ENTREP2: variants seen among roughly 807,000 people sequenced by gnomAD.
ENTREP2 encodes endosomal transmembrane epsin interactor 2.
chr15:29,293,188 A>G, the ENTREP2 span, among the ~76,000 whole-genome samples: 1 of 152,126 alleles, frequency 6.6e-6, no homozygotes, highest in Admixed American at 6.5e-5. Context: ...CTAGGTAGGG[A>G]GGTTTTTGGG....
chr15:29,352,832 G>A, the ENTREP2 span, among the ~76,000 whole-genome samples: 1 of 152,050 alleles, frequency 6.6e-6, no homozygotes, highest in East Asian at 1.9e-4. Flanking sequence ...TTTTCTTCTT[G>A]TTCTCCTCTG....
the ENTREP2 span, among the ~76,000 whole-genome samples, chr15:29,458,580 T>TG: frequency 1.3e-5 from 2 of 152,142 alleles, no homozygotes; most frequent in African/African-American, 4.8e-5. Flanking sequence ...GCCCTGGACT[T>TG]GGAGGTGACC....
chr15:29,132,487 C>T, the ENTREP2 span, among the ~76,000 whole-genome samples: 2 of 152,210 alleles, frequency 1.3e-5, no homozygotes, highest in African/African-American at 4.8e-5. Context: ...TCGTGCTGTG[C>T]CCCTGCCAGC....
the ENTREP2 span, among the ~76,000 whole-genome samples, chr15:29,651,680 G>C: frequency 1.3e-5 from 2 of 152,250 alleles, no homozygotes; most frequent in Non-Finnish European, 2.9e-5. Context: ...TTGGGGCCAA[G>C]CCCAGGCACT....
chr15:29,269,362 A>G, the ENTREP2 span: 1 of 1,614,016 alleles, frequency 6.2e-7, no homozygotes, highest in South Asian at 1.1e-5. Context: ...GTCCCCGATG[A>G]CGTGCTTCAG....
chr15:29,527,686 A>T, the ENTREP2 span, among the ~76,000 whole-genome samples: 1 of 152,120 alleles, frequency 6.6e-6, no homozygotes, highest in Non-Finnish European at 1.5e-5. Flanking sequence ...ACCATTCTTC[A>T]TGAGCCATGG....
At chr15:29,203,857 C>T in the ENTREP2 span, among the ~76,000 whole-genome samples, 1 of 152,182 alleles carries the variant, frequency 6.6e-6, no homozygotes, top group Non-Finnish European at 1.5e-5. Flanking sequence ...ATGATCACAT[C>T]TCTAGGCTAG....
chr15:29,148,280 A>G, the ENTREP2 span, among the ~76,000 whole-genome samples: 2 of 152,200 alleles, frequency 1.3e-5, no homozygotes, highest in African/African-American at 4.8e-5. Context: ...GAGGAATTGT[A>G]TGATAGGTGA....
chr15:29,414,111 A>G, the ENTREP2 span, among the ~76,000 whole-genome samples: 1 of 152,172 alleles, frequency 6.6e-6, no homozygotes, highest in African/African-American at 2.4e-5. Context: ...GTTAACAAGG[A>G]TATCCAGGAA....
At chr15:29,269,802 C>G in the ENTREP2 span, 1 of 1,177,670 alleles carries the variant, frequency 8.5e-7, no homozygotes, top group African/African-American at 1.6e-5. Context: ...CCTGGAGGCG[C>G]GCGCAGTGTC....
At chr15:29,305,345 G>T in the ENTREP2 span, among the ~76,000 whole-genome samples, 5 of 152,222 alleles carry the variant, frequency 3.3e-5, no homozygotes, top group Non-Finnish European at 5.9e-5. Context: ...GAACTGGGGA[G>T]TGACATGAGG....
At chr15:29,389,585 C>T in the ENTREP2 span, among the ~76,000 whole-genome samples, 2 of 152,320 alleles carry the variant, frequency 1.3e-5, no homozygotes, top group East Asian at 3.9e-4. Context: ...CAGGAATGCA[C>T]CCAGGATTTG....
chr15:29,634,584 T>TC, the ENTREP2 span, among the ~76,000 whole-genome samples: 1 of 152,134 alleles, frequency 6.6e-6, no homozygotes, highest in South Asian at 2.1e-4. Context: ...CAGCTGGGTA[T>TC]CCCCCAATTC....
At chr15:29,272,501 A>C in the ENTREP2 span, among the ~76,000 whole-genome samples, 1 of 152,202 alleles carries the variant, frequency 6.6e-6, no homozygotes, top group Non-Finnish European at 1.5e-5. Context: ...GTTAGTGTCA[A>C]CTGAAGGATG....
chr15:29,458,309 G>T, the ENTREP2 span, among the ~76,000 whole-genome samples: 1 of 152,130 alleles, frequency 6.6e-6, no homozygotes, highest in Non-Finnish European at 1.5e-5. Flanking sequence ...GCCCAAACTG[G>T]CAAGGGCAGA....
chr15:29,459,015 T>C, the ENTREP2 span, among the ~76,000 whole-genome samples: 1 of 152,100 alleles, frequency 6.6e-6, no homozygotes, highest in South Asian at 2.1e-4. Context: ...AGACCCAATC[T>C]CCAGGGCAGG....
chr15:29,268,348 G>C, the ENTREP2 span: 2 of 156,448 alleles, frequency 1.3e-5, no homozygotes, highest in Non-Finnish European at 2.8e-5. Flanking sequence ...AAATAAAATA[G>C]GTTAACATAA....
chr15:29,390,259 C>A, the ENTREP2 span, among the ~76,000 whole-genome samples: 1 of 152,114 alleles, frequency 6.6e-6, no homozygotes, highest in Non-Finnish European at 1.5e-5. Context: ...GCACCACTCT[C>A]ATGAGAAAAA....
the ENTREP2 span, among the ~76,000 whole-genome samples, chr15:29,307,331 C>G: frequency 3.0e-4 from 46 of 151,942 alleles, no homozygotes; most frequent in Admixed American, 1.6e-3. Flanking sequence ...TTTAAATAAC[C>G]TGAACATGCT....
Sources: allele counts gnomAD v4.1 joint callset (sites outside exome capture counted in the v4.1 genomes callset), GRCh38; gene constraint gnomAD v4.1.1; transcripts MANE v1.5; gene names NCBI Gene and HGNC (gene_info 2026-07-23, HGNC 2026-07-21).